The following GOT1L1 variants were observed in gnomAD, a reference collection of about 807,000 sequenced individuals.
The protein encoded by GOT1L1 is glutamic-oxaloacetic transaminase 1 like 1, also known as aspartate aminotransferase, cytoplasmic 2.
Under a neutral mutation model 43.6 loss-of-function variants are expected in GOT1L1, and 38 were observed. The observed-to-expected ratio is 0.87, with a 90% CI of 0.67 to 1.14. The LOEUF is 1.14. Among genes scored for constraint, GOT1L1 ranks in the 50% most tolerant of loss-of-function variants. The pLI is 0.00. For missense variants in GOT1L1, 482 were observed against 504.0 expected, an observed-to-expected ratio of 0.96 and a Z score of 0.42; for synonymous variants, 183 against 187.2, an observed-to-expected ratio of 0.98 and a Z score of 0.18.
intron 1 of GOT1L1, among the ~76,000 whole-genome samples, chr8:37,939,434 ATATATATATATATAT>A (rs1563389716): frequency 0.19 from 11,225 of 57,908 alleles, 1,839 homozygotes; most frequent in East Asian, 0.34. Flanking sequence ...AAAAAAAAAT[ATATATATATATATAT>A]ATATATATAT....
chr8:37,937,221 G>T, intron 4 of GOT1L1, 56 bp downstream of exon 4: 2 of 1,276,838 alleles, frequency 1.6e-6, no homozygotes, highest in Non-Finnish European at 2.2e-6. Context: ...GGGAGGAGAG[G>T]AACATTAGGC....
rs368247809 is a variant in GOT1L1 at position 37,938,876 on chromosome 8, T to C, written c.121A>G (p.Met41Val). The change falls in exon 2 of 9, where the codon ATG becomes GTG. Residue 41 changes from methionine (M) to valine (V), a missense_variant. Met to Val is a conservative substitution (Grantham distance 21). Transcript: ENST00000307599. ...ACCCAGGGATGGCCTTCATTTGTCA[T>C]GCAGACTGTGAGGAAAACCACAGAG... Reference protein sequence around the residue: ...NKIFLAYRVCMTNEGHPWVSL... With the variant: ...NKIFLAYRVCVTNEGHPWVSL... 1.9e-6 allele frequency: 3 copies of C among 1,613,526 alleles called. No homozygotes were observed. The highest frequency in any genetic ancestry group is 2.5e-6 in the Non-Finnish European group (3 of 1,179,628).
Position 37,937,312 on chromosome 8 carries a change from A to G in GOT1L1, c.484T>C (p.Cys162Arg). 3 of 1,609,902 alleles carry G rather than the reference A, an allele frequency of 1.9e-6. No individual in the cohort carries two copies. Among genetic ancestry groups the G allele is most frequent in the Non-Finnish European group, 2.5e-6 (3 of 1,178,410 alleles). The change falls in exon 4 of 9, where the codon TGC becomes CGC. Residue 162 changes from cysteine to arginine, a missense_variant. By Grantham distance (180) the Cys-to-Arg change is radical. Coordinates refer to ENST00000307599, the MANE Select transcript of GOT1L1 (RefSeq NM_152413.3). ...TTGAGGAGTATGTCGGGGTCCATGC[A>G]TAGCTTCTTGGGGTCCCAGACAGAG... ...EYSVWDPKKLCMDPDILLNVV... is the reference protein window; with the variant it reads ...EYSVWDPKKLRMDPDILLNVV...
intron 6 of GOT1L1, 80 bp downstream of exon 6, chr8:37,936,640 G>A (rs1807763398): frequency 7.7e-7 from 1 of 1,293,110 alleles, no homozygotes; most frequent in Non-Finnish European, 1.1e-6. Flanking sequence ...TCCCAAGGAT[G>A]AGATATCAAA....
Position 37,940,068 on chromosome 8 carries a change from C to G in GOT1L1, c.-39G>C. The G allele has an allele frequency of 6.3e-7, 1 of 1,585,062 alleles. No individual in the cohort carries two copies. The highest frequency in any genetic ancestry group is 8.6e-7 in the Non-Finnish European group (1 of 1,165,306). ...CTGGAGCCAAGACTATGTGTCTCTGCTCCTGTGTTCCGCTTCTGCCCAGAA... is the reference window on the plus strand; with the variant it reads ...CTGGAGCCAAGACTATGTGTCTCTGGTCCTGTGTTCCGCTTCTGCCCAGAA... On this transcript the variant is annotated 5_prime_UTR_variant, in exon 1 of 9. Transcript: ENST00000307599.
intron 4 of GOT1L1, 66 bp from the exon 5 acceptor site, chr8:37,937,123 G>A: frequency 6.8e-7 from 1 of 1,470,570 alleles, no homozygotes; most frequent in Non-Finnish European, 9.5e-7. Flanking sequence ...AGGGCATTTG[G>A]GGGTGAAGTG....
In GOT1L1 at chr8:37,935,083, A is replaced by G; in HGVS notation, c.1062T>C (p.Leu354=). ...ITEQSGTHGY[L]GLNSQQVEYL... ...CCCCTAGACCCTTACAGTTGAGTCC[A>G]AGATAGCCGTGGGTCCCACTCTGCT... Residue 354 remains leucine (L), a synonymous_variant, in exon 8 of 9, where the codon CTT becomes CTC. Transcript: ENST00000307599. 1 of 1,613,838 alleles carries G rather than the reference A, an allele frequency of 6.2e-7. No individual in the cohort carries two copies. Among genetic ancestry groups the G allele is most frequent in the Non-Finnish European group, 8.5e-7 (1 of 1,179,776 alleles).
Position 37,938,834 on chromosome 8 carries a change from T to C in GOT1L1, c.163A>G (p.Lys55Glu), listed in dbSNP as rs759218813. 3 of 1,613,846 alleles carry C rather than the reference T, an allele frequency of 1.9e-6. No homozygotes were observed. Among genetic ancestry groups the C allele is most frequent in the Non-Finnish European group, 2.5e-6 (3 of 1,179,786 alleles). ...TCCTGTGAAATCTGTAGTCGAGTCTTCTGCACCACGAGAGAAACCCAGGGA... is the reference window on the plus strand; with the variant it reads ...TCCTGTGAAATCTGTAGTCGAGTCTCCTGCACCACGAGAGAAACCCAGGGA... ...GHPWVSLVVQ[K>E]TRLQISQDPS... The change falls in exon 2 of 9, where the codon AAG becomes GAG. Residue 55 changes from lysine to glutamate, a missense_variant. By Grantham distance (56) the Lys-to-Glu change is moderately conservative. Transcript: ENST00000307599.
chr8:37,937,440 A>G, intron 3 of GOT1L1, 54 bp from the exon 4 acceptor site: 1 of 1,253,952 alleles, frequency 8.0e-7, no homozygotes, highest in Non-Finnish European at 1.1e-6. Flanking sequence ...AGAGACGGAG[A>G]CAGAGGTACT....
chr8:37,937,300 C>T lies in GOT1L1; in HGVS notation c.496G>A (p.Asp166Asn), dbSNP rs765319837. 1.1e-5 allele frequency: 18 copies of T among 1,606,072 alleles called. No homozygotes were observed. Among genetic ancestry groups the T allele is most frequent in the East Asian group, 6.7e-5 (3 of 44,842 alleles). The change falls in exon 4 of 9, where the codon GAC (aspartate) becomes AAC (asparagine). Residue 166 changes from aspartate (D) to asparagine (N), a missense_variant. By Grantham distance (23) the Asp-to-Asn change is conservative. Coordinates refer to ENST00000307599, the MANE Select transcript of GOT1L1 (RefSeq NM_152413.3). ...WDPKKLCMDPDILLNVVEQIP... is the reference protein window; with the variant it reads ...WDPKKLCMDPNILLNVVEQIP... ...ACCTCCACCACATTGAGGAGTATGT[C>T]GGGGTCCATGCATAGCTTCTTGGGG...
chr8:37,938,939 G>A (rs778685427), intron 1 of GOT1L1, 58 bp from the exon 2 acceptor site: 5 of 1,526,172 alleles, frequency 3.3e-6, no homozygotes, highest in Non-Finnish European at 4.5e-6. Context: ...CCAGGGCTGA[G>A]CTCTGCAGAC....
rs776247394 is a variant in GOT1L1, at chr8:37,934,383, A to G, written c.1176T>C (p.Thr392=). ...GGAGGACAGCCTCATTGATGCCCTCAGTGATGTAATTTATGTTGTTGGCAT... is the reference window on the plus strand; with the variant it reads ...GGAGGACAGCCTCATTGATGCCCTCGGTGATGTAATTTATGTTGTTGGCAT... ...CINANNINYI[T]EGINEAVLLT... is the part of the protein sequence containing the mutation. The change falls in exon 9 of 9, where the codon ACT becomes ACC. Residue 392 remains threonine (T), a synonymous_variant. Coordinates refer to ENST00000307599, the MANE Select transcript of GOT1L1 (RefSeq NM_152413.3). The G allele has an allele frequency of 6.8e-6, 11 of 1,613,170 alleles. No homozygotes were observed. The highest frequency in any genetic ancestry group is 1.6e-4 in the Middle Eastern group (1 of 6,084).
At chr8:37,938,910 A>G (rs1807838115) in intron 1 of GOT1L1, 29 bp from the exon 2 acceptor site, 1 of 1,609,548 alleles carries the variant, frequency 6.2e-7, no homozygotes, top group Non-Finnish European at 8.5e-7. Flanking sequence ...AGGGAGCTCC[A>G]GATGCCTGGT....
In GOT1L1 at chr8:37,936,708, C is replaced by T; in HGVS notation, c.763+12G>A. The T allele has an allele frequency of 6.2e-7, 1 of 1,604,998 alleles. No homozygotes were observed. Among genetic ancestry groups the T allele is most frequent in the Non-Finnish European group, 8.5e-7 (1 of 1,172,988 alleles). ...CAGCAACAGACCCTCCCTTCTTCTG[C>T]CTGTACCATACCATAAATGCCAAAA... On this transcript the variant is annotated intron_variant, in intron 6 of 8. Transcript: ENST00000307599.
intron 6 of GOT1L1, 41 bp from the exon 7 acceptor site, chr8:37,935,910 T>G: frequency 6.3e-7 from 1 of 1,594,060 alleles, no homozygotes. Flanking sequence ...AGCCCCTTCC[T>G]CCACTCCCAA....
intron 2 of GOT1L1, 38 bp from the exon 3 acceptor site, chr8:37,937,787 G>GCCACCACACC: frequency 3.6e-6 from 5 of 1,405,624 alleles, no homozygotes; most frequent in Non-Finnish European, 5.0e-6. Flanking sequence ...GCCAGGTGTG[G>GCCACCACACC]TGGCTCACAC....
At chr8:37,936,577 C>T (rs777778158) in intron 6 of GOT1L1, 143 bp downstream of exon 6, 3 of 674,126 alleles carry the variant, frequency 4.5e-6, no homozygotes, top group Admixed American at 3.0e-5. Flanking sequence ...AATTCTAGCT[C>T]AGTGCTCCCC....
rs374461015 is a variant in GOT1L1 at position 37,934,525 on chromosome 8, A to G, written c.1073-39T>C. The G allele has an allele frequency of 3.2e-5, 46 of 1,432,618 alleles. No individual in the cohort carries two copies. The African/African-American group carries it at 6.2e-4, about 19-fold the overall frequency. The allele number at this position is 1,432,618 out of a possible 1,614,324, so 88.7% of individuals were successfully genotyped here. ...AAGGTCTCAGATCTCGAGACTGGCCATCTCGAATTCTCCTCTAGCCCAGGC... is the reference window on the plus strand; with the variant it reads ...AAGGTCTCAGATCTCGAGACTGGCCGTCTCGAATTCTCCTCTAGCCCAGGC... On this transcript the variant is annotated intron_variant, in intron 8 of 8. Coordinates refer to ENST00000307599, the MANE Select transcript of GOT1L1 (RefSeq NM_152413.3).
intron 6 of GOT1L1, among the ~76,000 whole-genome samples, chr8:37,936,081 G>A (rs1232441987): frequency 6.6e-6 from 1 of 152,152 alleles, no homozygotes; most frequent in East Asian, 1.9e-4. Context: ...AAGGAGGAAG[G>A]AATTTGAAAG....
Sources: gnomAD v4.1 joint callset for allele counts (sites outside exome capture counted in the v4.1 genomes callset) on GRCh38, gnomAD v4.1.1 for gene constraint, MANE v1.5 for transcripts, NCBI Gene and HGNC (gene_info 2026-07-23, HGNC 2026-07-21) for gene names.